Variants in ZNF385D observed in about 807,000 individuals in gnomAD.
ZNF385D encodes the protein zinc finger protein 385D.
In ZNF385D, 15 loss-of-function variants were observed where a neutral mutation model predicts 35.8. The observed-to-expected ratio is 0.42, with a 90% confidence interval of 0.28 to 0.64. The LOEUF (loss-of-function observed/expected upper bound fraction) is 0.64. Ranked by LOEUF, ZNF385D falls within the 30% of genes least tolerant of loss-of-function variation. The pLI is 0.23. For synonymous variants in ZNF385D, 212 were observed against 186.8 expected (o/e 1.13, Z -1.10); for missense variants, 474 against 494.6 (o/e 0.96, Z 0.39).
intron 2 of ZNF385D, among the ~76,000 whole-genome samples, chr3:21,636,310 A>G (rs2065430192): frequency 6.9e-6 from 1 of 145,662 alleles, no homozygotes. Context: ...TAGGAGATAT[A>G]TAGATATAGA....
intron 2 of ZNF385D, among the ~76,000 whole-genome samples, chr3:22,338,361 AAG>A (rs930842109): frequency 1.3e-5 from 2 of 152,196 alleles, no homozygotes; most frequent in African/African-American, 2.4e-5. Flanking sequence ...AGAAACACAT[AAG>A]AGAGAGAAAA....
chr3:21,463,136 C>T (rs1575190455), intron 4 of ZNF385D, among the ~76,000 whole-genome samples: 1 of 151,948 alleles, frequency 6.6e-6, no homozygotes, highest in Non-Finnish European at 1.5e-5. Context: ...TATTACAAAT[C>T]ATTTTATTAG....
At chr3:21,781,881 T>C (rs2071502195) in intron 3 of ZNF385D, among the ~76,000 whole-genome samples, 1 of 151,950 alleles carries the variant, frequency 6.6e-6, no homozygotes, top group Non-Finnish European at 1.5e-5. Context: ...AAAAAGGAGT[T>C]TTAGTATTTA....
chr3:22,361,330 G>T (rs919060573), intron 2 of ZNF385D, among the ~76,000 whole-genome samples: 1 of 152,060 alleles, frequency 6.6e-6, no homozygotes, highest in African/African-American at 2.4e-5. Flanking sequence ...AATGTAATAA[G>T]TAGCATTAAT....
At chr3:22,105,347 CTAGA>C (rs772118826) in intron 3 of ZNF385D, among the ~76,000 whole-genome samples, 18 of 150,892 alleles carry the variant, frequency 1.2e-4, no homozygotes, top group African/African-American at 3.4e-4. Flanking sequence ...TCAGGACTCA[CTAGA>C]TAAACACATA....
At chr3:22,255,326 CTTTA>C (rs976064112) in intron 2 of ZNF385D, among the ~76,000 whole-genome samples, 3 of 151,420 alleles carry the variant, frequency 2.0e-5, no homozygotes, top group Non-Finnish European at 3.0e-5. Context: ...TTTTTCCTCC[CTTTA>C]TTTAATGTGG....
At chr3:22,040,277 T>C (rs1272668688) in intron 3 of ZNF385D, among the ~76,000 whole-genome samples, 1 of 152,212 alleles carries the variant, frequency 6.6e-6, no homozygotes, top group Non-Finnish European at 1.5e-5. Flanking sequence ...GTAATTCTAA[T>C]TGACACAAGA....
chr3:21,905,465 A>G (rs756112299), intron 3 of ZNF385D, among the ~76,000 whole-genome samples: 1 of 151,904 alleles, frequency 6.6e-6, no homozygotes, highest in African/African-American at 2.4e-5. Context: ...TTTCTAACCA[A>G]GGCACACTGC....
At position 22,131,626 on chromosome 3, in the gene ZNF385D, G is replaced by A. The variant is rs78608770; in HGVS notation, c.325+37191C>T. 2.6e-5 allele frequency among the ~76,000 whole-genome samples: 4 copies of A among 152,264 alleles called. No homozygotes were observed. The East Asian group carries it at 7.7e-4, about 29-fold the overall frequency. ...ACAGAGCAAAGGTATAAGTGGAAGG[G>A]AAGGCCACTGCAAAGAGAACAGATG... On this transcript the variant is annotated intron_variant, in intron 3 of 5. Coordinates refer to the ZNF385D transcript ENST00000494108.
chr3:22,183,299 A>G (rs1695407012), intron 2 of ZNF385D, among the ~76,000 whole-genome samples: 1 of 152,198 alleles, frequency 6.6e-6, no homozygotes, highest in African/African-American at 2.4e-5. Flanking sequence ...AACAGTATGC[A>G]TTCTGCTCTT....
intron 3 of ZNF385D, among the ~76,000 whole-genome samples, chr3:21,997,966 G>C (rs1049645878): frequency 7.3e-5 from 11 of 150,068 alleles, no homozygotes; most frequent in African/African-American, 2.2e-4. Flanking sequence ...AGTAAGACTT[G>C]TTTTGATAAC....
chr3:21,773,883 C>A (rs1425093913), intron 3 of ZNF385D, among the ~76,000 whole-genome samples: 1 of 151,940 alleles, frequency 6.6e-6, no homozygotes, highest in Non-Finnish European at 1.5e-5. Flanking sequence ...GACCTAGAGG[C>A]AGAAATACCA....
intron 3 of ZNF385D, among the ~76,000 whole-genome samples, chr3:21,921,161 T>C (rs1700440570): frequency 1.4e-5 from 2 of 140,576 alleles, no homozygotes; most frequent in African/African-American, 5.4e-5. Context: ...AGGCGGAGTT[T>C]GCAGTGAGCC....
At chr3:21,704,785 T>C (rs756114783) in intron 1 of ZNF385D, among the ~76,000 whole-genome samples, 5 of 152,198 alleles carry the variant, frequency 3.3e-5, no homozygotes, top group Non-Finnish European at 7.3e-5. Flanking sequence ...ACCTGACACA[T>C]AGTAGGTCCT....
At chr3:21,618,387 C>A (rs1001699457) in intron 2 of ZNF385D, among the ~76,000 whole-genome samples, 9 of 152,192 alleles carry the variant, frequency 5.9e-5, no homozygotes, top group Admixed American at 5.2e-4. Flanking sequence ...AAGAAGGATT[C>A]TTGTCTAAAG....
chr3:21,842,306 A>G (rs1695732450), intron 3 of ZNF385D, among the ~76,000 whole-genome samples: 1 of 152,002 alleles, frequency 6.6e-6, no homozygotes. Flanking sequence ...TATATGTGCT[A>G]TTAGGGTTTT....
At chr3:21,774,522 G>C (rs912413886) in intron 3 of ZNF385D, among the ~76,000 whole-genome samples, 1 of 151,902 alleles carries the variant, frequency 6.6e-6, no homozygotes, top group South Asian at 2.1e-4. Flanking sequence ...ATGGAAACAG[G>C]AGATGGGAAA....
At chr3:21,755,282 A>G (rs1397720806), upstream of ZNF385D, among the ~76,000 whole-genome samples, 1 of 152,150 alleles carries the variant, frequency 6.6e-6, no homozygotes, top group Non-Finnish European at 1.5e-5. Flanking sequence ...TATTAGATCC[A>G]TTATCATCTT....
chr3:21,935,303 T>C (rs1358004645), intron 3 of ZNF385D, among the ~76,000 whole-genome samples: 2 of 152,310 alleles, frequency 1.3e-5, no homozygotes, highest in African/African-American at 4.8e-5. Context: ...TCGTTTTATG[T>C]AACAAACACT....
Sources: allele counts gnomAD v4.1 joint callset (sites outside exome capture counted in the v4.1 genomes callset), GRCh38; gene constraint gnomAD v4.1.1; transcripts MANE v1.5; gene names NCBI Gene and HGNC (gene_info 2026-07-23, HGNC 2026-07-21).